Variants in NUP210 observed in about 807,000 individuals in gnomAD.
NUP210 encodes nucleoporin 210.
NUP210 carries 151 observed loss-of-function variants against 196.0 expected under a neutral mutation model. The ratio of observed to expected loss-of-function variants is 0.77; its 90% CI spans 0.67 to 0.88. The LOEUF (loss-of-function observed/expected upper bound fraction) is 0.88, where lower values mean the gene tolerates loss of function less well. NUP210 is among the 40% of genes least tolerant of loss of function. NUP210 has a pLI of 0.00. For synonymous variants in NUP210, 1,070 were observed against 1,052.7 expected, an observed-to-expected ratio of 1.02 and a Z score of -0.32; for missense variants, 2,314 against 2,493.7, an observed-to-expected ratio of 0.93 and a Z score of 1.53.
intron 18 of NUP210, 42 bp downstream of exon 18, chr3:13,353,512 C>T (rs775685458): frequency 6.6e-7 from 1 of 1,517,910 alleles, no homozygotes; most frequent in South Asian, 1.1e-5. Context: ...GAGGCTTGCC[C>T]CGCTACCCAT....
intron 23 of NUP210, among the ~76,000 whole-genome samples, chr3:13,341,508 C>T (rs1220433031): frequency 6.6e-6 from 1 of 152,220 alleles, no homozygotes; most frequent in African/African-American, 2.4e-5. Flanking sequence ...GCCACACAAT[C>T]CCCCAAGTCA....
At chr3:13,320,262 T>C (rs1242328013) in intron 36 of NUP210, among the ~76,000 whole-genome samples, 2 of 152,162 alleles carry the variant, frequency 1.3e-5, no homozygotes, top group African/African-American at 4.8e-5. Flanking sequence ...AGGGTGTTTT[T>C]TGAGGGAAGG....
At chr3:13,380,183 C>T (rs1012011080) in intron 6 of NUP210, among the ~76,000 whole-genome samples, 11 of 152,202 alleles carry the variant, frequency 7.2e-5, no homozygotes, top group African/African-American at 2.7e-4. Flanking sequence ...TCACCAGCTT[C>T]AGTGTTCCCC....
intron 3 of NUP210, among the ~76,000 whole-genome samples, chr3:13,394,474 C>A (rs1200901731): frequency 6.6e-6 from 1 of 152,210 alleles, no homozygotes; most frequent in Admixed American, 6.5e-5. Context: ...GTGGGGAGGG[C>A]CCCCAATGCC....
At chr3:13,367,564 C>G (rs927218748) in intron 13 of NUP210, among the ~76,000 whole-genome samples, 3 of 152,304 alleles carry the variant, frequency 2.0e-5, no homozygotes, top group Non-Finnish European at 4.4e-5. Flanking sequence ...CCAGAATCTC[C>G]TGGAAACCCT....
At chr3:13,375,405 C>A (rs1698866098) in intron 11 of NUP210, 99 bp downstream of exon 11, 1 of 1,162,210 alleles carries the variant, frequency 8.6e-7, no homozygotes, top group African/African-American at 1.5e-5. Context: ...TTCTCCACAA[C>A]CACTAGAGAG....
In NUP210 at chr3:13,378,988, T is replaced by C. The variant is rs200748145; in HGVS notation, c.977-8A>G. ...CACCTTGCATGCGAATACCTGAATT[T>C]TGAATTAAGGGGCAAGACATATGAC... On this transcript the variant is annotated splice_polypyrimidine_tract_variant and splice_region_variant and intron_variant, in intron 7 of 39. Coordinates refer to ENST00000254508, the MANE Select transcript of NUP210 (RefSeq NM_024923.4). The C allele has an allele frequency of 5.0e-5, 81 of 1,613,300 alleles. No homozygotes were observed. In the East Asian group the frequency reaches 1.7e-3, roughly 33 times the overall value.
rs1213993467 is a variant in NUP210 at position 13,316,538 on chromosome 3, C to T, written c.*1143G>A. 1.3e-5 allele frequency: 2 copies of T among 152,286 alleles called. No individual in the cohort carries two copies. The highest frequency in any genetic ancestry group is 2.4e-5 in the African/African-American group (1 of 41,458). The allele number at this position is 152,286 out of a possible 1,614,324, so 9.4% of individuals were successfully genotyped here. On this transcript the variant is annotated 3_prime_UTR_variant, in exon 40 of 40. Transcript: ENST00000254508. ...GCCTGTGATCTGAGAATCTCAGATCCAGAATCAGGAGCTGGGAAGAGAGGA... is the reference window on the plus strand; with the variant it reads ...GCCTGTGATCTGAGAATCTCAGATCTAGAATCAGGAGCTGGGAAGAGAGGA...
rs1320837620 is a variant in NUP210 at position 13,323,115 on chromosome 3, T to C, written c.4768+194A>G. On this transcript the variant is annotated intron_variant, in intron 34 of 39. Transcript: ENST00000254508. This position sits in a 1 kb window ranked among gnomAD's most constrained non-coding sequence, Gnocchi z 4.3. ...GCTGGGCTCCATTATGAAGATTCCT[T>C]TCACTGGCTCAGCTTTTGGAGGACT... 6.6e-6 allele frequency among the ~76,000 whole-genome samples: 1 copy of C among 152,176 alleles called. No individual in the cohort carries two copies. The highest frequency in any genetic ancestry group is 2.4e-5 in the African/African-American group (1 of 41,426).
chr3:13,347,220 A>C lies in NUP210; in HGVS notation c.2836-3917T>G, dbSNP rs1353504141. 1.0e-6 allele frequency: 1 copy of C among 985,244 alleles called. No homozygotes were observed. Among genetic ancestry groups the C allele is most frequent in the Non-Finnish European group, 1.2e-6 (1 of 829,900 alleles). 61.0% of individuals were successfully genotyped at this position (985,244 alleles called of 1,614,324 possible). ...CACAGGAGCTGGGCCCCCCGGCTTC[A>C]TTCCCTCCTGAATCCGCAGTGCTTA... On this transcript the variant is annotated intron_variant, in intron 20 of 39. Transcript: ENST00000254508. This position sits in a 1 kb window ranked among gnomAD's most constrained non-coding sequence, Gnocchi z 4.7.
At position 13,360,360 on chromosome 3, in the gene NUP210, G is replaced by A; in HGVS notation, c.2064C>T (p.Asp688=). Residue 688 remains aspartate (D), a synonymous_variant, in exon 15 of 40, where the codon GAC becomes GAT. Coordinates refer to ENST00000254508, the MANE Select transcript of NUP210 (RefSeq NM_024923.4). ...FFQNVTAEDT[D]SIGLALFAPH... is the part of the protein sequence containing the mutation. ...GGGCAAAGAGAGCCAGGCCGATGCT[G>A]TCAGTGTCCTCAGCGGTGACGTTCT... 1 of 1,614,192 alleles carries A rather than the reference G, an allele frequency of 6.2e-7. No individual in the cohort carries two copies. Among genetic ancestry groups the A allele is most frequent in the Non-Finnish European group, 8.5e-7 (1 of 1,180,028 alleles).
At chr3:13,361,201 G>A (rs1260697238) in intron 14 of NUP210, among the ~76,000 whole-genome samples, 1 of 152,236 alleles carries the variant, frequency 6.6e-6, no homozygotes, top group Non-Finnish European at 1.5e-5. Context: ...GTATGCACGA[G>A]CTTCGAGGGT....
rs542603248 is a variant in NUP210, at chr3:13,347,676, G to A, written c.2835+4203C>T. Among the ~76,000 whole-genome samples the A allele has an allele frequency of 6.6e-6, 1 of 152,276 alleles. No individual in the cohort carries two copies. Among genetic ancestry groups the A allele is most frequent in the Admixed American group, 6.5e-5 (1 of 15,304 alleles). ...CAGGAAGGAAAGAAACCCTTTCTCT[G>A]AGCTAACTGGGGAGCGCTGGGGGCT... On this transcript the variant is annotated intron_variant, in intron 20 of 39. Coordinates refer to ENST00000254508, the MANE Select transcript of NUP210 (RefSeq NM_024923.4). The surrounding 1 kb of genome is among the most constrained non-coding windows in gnomAD (Gnocchi z 4.7).
chr3:13,416,185 G>C (rs1351352516), intron 1 of NUP210, among the ~76,000 whole-genome samples: 1 of 152,180 alleles, frequency 6.6e-6, no homozygotes, highest in Non-Finnish European at 1.5e-5. Flanking sequence ...CCTGGTGCAG[G>C]ACCAGGCCTG....
In NUP210 at chr3:13,348,917, G is replaced by C. The variant is rs560513647; in HGVS notation, c.2835+2962C>G. On this transcript the variant is annotated intron_variant, in intron 20 of 39. Coordinates refer to ENST00000254508, the MANE Select transcript of NUP210 (RefSeq NM_024923.4). This position sits in a 1 kb window ranked among gnomAD's most constrained non-coding sequence, Gnocchi z 4.0. ...ACTGAATTAAAAAACTTATTAAACA[G>C]GGGGTGTTTCACACAAAAATAGAGA... The C allele has an allele frequency of 5.2e-5, 51 of 984,934 alleles. 1 individual carries two copies. In the South Asian group the frequency reaches 2.0e-3, roughly 39 times the overall value. The allele number at this position is 984,934 out of a possible 1,614,324, so 61.0% of individuals were successfully genotyped here. A position where few individuals can be genotyped will look rare whatever the true frequency, so the allele number is the denominator to read the frequency against.
chr3:13,381,420 C>CTTTTTTTTTT, intron 6 of NUP210, among the ~76,000 whole-genome samples: 2 of 134,436 alleles, frequency 1.5e-5, no homozygotes, highest in South Asian at 2.4e-4. Flanking sequence ...CTTTTCTTTT[C>CTTTTTTTTTT]TTTTTTTTTT....
At position 13,376,347 on chromosome 3, in the gene NUP210, C is replaced by A. The variant is rs1320367521; in HGVS notation, c.1237G>T (p.Ala413Ser). ...ATGGCCGTCTGTCCCCTCTTTAGTG[C>A]CCTGATGCGATGGTATGACCCATTC... ...SQNGSYHRIR[A>S]LKRGQTAIDA... Residue 413 changes from alanine to serine, a missense_variant, in exon 10 of 40, where the codon GCA (alanine) becomes TCA (serine). Ala to Ser is a moderately conservative substitution (Grantham distance 99). Transcript: ENST00000254508. 2 of 1,614,210 alleles carry A rather than the reference C, an allele frequency of 1.2e-6. No homozygotes were observed. Among genetic ancestry groups the A allele is most frequent in the Admixed American group, 1.7e-5 (1 of 60,032 alleles).
At chr3:13,322,122 G>T in intron 35 of NUP210, 71 bp downstream of exon 35, 1 of 1,562,376 alleles carries the variant, frequency 6.4e-7, no homozygotes, top group Non-Finnish European at 8.8e-7. Context: ...CTGGGCACGT[G>T]GAAGCCGCAA....
At chr3:13,343,069 C>T in intron 21 of NUP210, 106 bp downstream of exon 21, 6 of 1,385,360 alleles carry the variant, frequency 4.3e-6, no homozygotes, top group Non-Finnish European at 6.0e-6. Context: ...GGATGCAGAC[C>T]ACAGGAGCAA....
Sources: gnomAD v4.1 joint callset for allele counts (sites outside exome capture counted in the v4.1 genomes callset) on GRCh38, gnomAD v4.1.1 for gene constraint, Gnocchi (gnomAD v3.1) non-coding constraint, MANE v1.5 for transcripts, NCBI Gene and HGNC (gene_info 2026-07-23, HGNC 2026-07-21) for gene names.